ATP10D: variants seen among roughly 807,000 people sequenced by gnomAD.
ATP10D encodes ATPase phospholipid transporting 10D (putative).
ATP10D carries 89 observed loss-of-function variants against 144.8 expected under a neutral mutation model. The ratio of observed to expected loss-of-function variants is 0.61; its 90% CI spans 0.52 to 0.73. The LOEUF (loss-of-function observed/expected upper bound fraction) is 0.73, where lower values mean the gene tolerates loss of function less well. Ranked by LOEUF, ATP10D falls within the 30% of genes least tolerant of loss-of-function variation. ATP10D has a pLI of 0.00. For missense variants in ATP10D, 1,603 were observed against 1,714.8 expected (o/e 0.93, Z 1.15); for synonymous variants, 571 against 615.1 (o/e 0.93, Z 1.06).
chr4:47,554,470 A>G (rs1194775239), intron 10 of ATP10D, among the ~76,000 whole-genome samples: 1 of 151,946 alleles, frequency 6.6e-6, no homozygotes, highest in South Asian at 2.1e-4. Context: ...TGAAAACTAA[A>G]CTCCTGTTTA....
rs1298792497 is a variant in ATP10D at position 47,557,684 on chromosome 4, G to A, written c.1845G>A (p.Gly615=). 6.2e-7 allele frequency: 1 copy of A among 1,609,816 alleles called. No homozygotes were observed. The highest frequency in any genetic ancestry group is 1.3e-5 in the African/African-American group (1 of 74,818). The change falls in exon 12 of 23, where the codon GGG becomes GGA. Residue 615 remains glycine, a synonymous_variant. Coordinates refer to ENST00000273859, the MANE Select transcript of ATP10D (RefSeq NM_020453.4). ...PRQKIRHPSL[G]GLPIKSLEEI... ...CATAGATCAGACACCCTTCACTGGG[G>A]GGGTTGCCCATTAAGTCTTTGGAAG...
At chr4:47,513,031 A>G (rs940918774) in intron 2 of ATP10D, among the ~76,000 whole-genome samples, 4 of 152,116 alleles carry the variant, frequency 2.6e-5, no homozygotes, top group Admixed American at 2.0e-4. Context: ...TTTTCTCTTT[A>G]CCAGAAAAGA....
intron 14 of ATP10D, 77 bp from the exon 15 acceptor site, chr4:47,563,504 G>T (rs1719430857): frequency 1.5e-6 from 2 of 1,315,072 alleles, no homozygotes; most frequent in African/African-American, 1.5e-5. Context: ...TAACAGATAT[G>T]ATTCAACTGT....
chr4:47,536,612 T>A (rs1243272088), intron 8 of ATP10D, 48 bp downstream of exon 8: 1 of 1,605,372 alleles, frequency 6.2e-7, no homozygotes, highest in Non-Finnish European at 8.5e-7. Context: ...CTTTGCTGCT[T>A]ATCCAGCTAT....
intron 2 of ATP10D, among the ~76,000 whole-genome samples, chr4:47,514,822 T>C (rs1214810912): frequency 6.6e-6 from 1 of 152,206 alleles, no homozygotes; most frequent in Admixed American, 6.5e-5. Context: ...TTAATTTTTA[T>C]ACCACATGAA....
chr4:47,572,769 A>C (rs1720028095), intron 17 of ATP10D, 103 bp from the exon 18 acceptor site: 1 of 1,440,950 alleles, frequency 6.9e-7, no homozygotes, highest in East Asian at 2.3e-5. Context: ...TGCGGTCAGA[A>C]GAAGGTAGAA....
In ATP10D at chr4:47,525,698, G is replaced by A. The variant is rs568318248; in HGVS notation, c.776+56G>A. 1.5e-5 allele frequency: 21 copies of A among 1,386,386 alleles called. No individual in the cohort carries two copies. In the East Asian group the frequency reaches 2.1e-4, roughly 14 times the overall value. 85.9% of individuals were successfully genotyped at this position (1,386,386 alleles called of 1,614,324 possible). On this transcript the variant is annotated intron_variant, in intron 5 of 22. Coordinates refer to ENST00000273859, the MANE Select transcript of ATP10D (RefSeq NM_020453.4). ...GTAAGTGGAATTGTGTGTTGCAATC[G>A]TACTTAATTTGATAAAGTGTTTCTG...
chr4:47,497,831 C>G (rs564494666), intron 1 of ATP10D, among the ~76,000 whole-genome samples: 2 of 152,292 alleles, frequency 1.3e-5, no homozygotes, highest in African/African-American at 4.8e-5. Context: ...TTCCAAACCT[C>G]TGTTTTCTTC....
At chr4:47,529,041 T>G (rs1432823923) in intron 5 of ATP10D, among the ~76,000 whole-genome samples, 1 of 152,152 alleles carries the variant, frequency 6.6e-6, no homozygotes, top group Non-Finnish European at 1.5e-5. Flanking sequence ...TGGATATTGG[T>G]TCTTTGTTAG....
intron 13 of ATP10D, among the ~76,000 whole-genome samples, 178 bp from the exon 14 acceptor site, chr4:47,560,769 CCA>C (rs529420548): frequency 4.9e-4 from 71 of 146,088 alleles, no homozygotes; most frequent in Non-Finnish European, 1.7e-4. Context: ...ACTAGTCTGA[CCA>C]CAGAGTTTGG....
In ATP10D at chr4:47,592,314, A is replaced by G. The variant is rs1473065028; in HGVS notation, c.*933A>G. ...CACTTGAAGGTTCATAGTTTTTACA[A>G]TACCCTGAGACTTTTCAGGTGTTGG... is the stretch of plus-strand genomic sequence containing the variant. On this transcript the variant is annotated 3_prime_UTR_variant, in exon 23 of 23. Coordinates refer to ENST00000273859, the MANE Select transcript of ATP10D (RefSeq NM_020453.4). 3 of 152,572 alleles carry G rather than the reference A, an allele frequency of 2.0e-5. No homozygotes were observed. The highest frequency in any genetic ancestry group is 7.2e-5 in the African/African-American group (3 of 41,440). 9.5% of individuals were successfully genotyped at this position (152,572 alleles called of 1,614,324 possible). A position where few individuals can be genotyped will look rare whatever the true frequency, so the allele number is the denominator to read the frequency against.
In ATP10D at chr4:47,582,172, A is replaced by G. The variant is rs957613988; in HGVS notation, c.3753+108A>G. On this transcript the variant is annotated intron_variant, in intron 21 of 22. Transcript: ENST00000273859. Reference sequence around the variant, plus strand: ...TAAGTGGTAATGAGAAGAGTAATGAATCTATGGGAGAAGGGTGATCACAGC... The same window carrying G: ...TAAGTGGTAATGAGAAGAGTAATGAGTCTATGGGAGAAGGGTGATCACAGC... 5 of 890,216 alleles carry G rather than the reference A, an allele frequency of 5.6e-6. No individual in the cohort carries two copies. In the African/African-American group the frequency reaches 6.6e-5, roughly 12 times the overall value. The allele number at this position is 890,216 out of a possible 1,614,324, so 55.1% of individuals were successfully genotyped here.
At chr4:47,529,095 G>C (rs929316725) in intron 5 of ATP10D, among the ~76,000 whole-genome samples, 1 of 152,054 alleles carries the variant, frequency 6.6e-6, no homozygotes, top group African/African-American at 2.4e-5. Context: ...TACATTGTCT[G>C]TTTACTCTCT....
At chr4:47,534,538 C>T (rs1013142531) in intron 5 of ATP10D, among the ~76,000 whole-genome samples, 1 of 152,098 alleles carries the variant, frequency 6.6e-6, no homozygotes, top group African/African-American at 2.4e-5. Flanking sequence ...ATGAGGCCCA[C>T]GATGTCTCCT....
At chr4:47,573,345 G>T (rs1720063467) in intron 18 of ATP10D, among the ~76,000 whole-genome samples, 1 of 152,176 alleles carries the variant, frequency 6.6e-6, no homozygotes, top group African/African-American at 2.4e-5. Context: ...GAAAGAAAAG[G>T]TTTGCATCCG....
chr4:47,530,446 T>TTTTGTTTG (rs143705446), intron 5 of ATP10D, among the ~76,000 whole-genome samples: 2 of 151,312 alleles, frequency 1.3e-5, no homozygotes, highest in Admixed American at 6.6e-5. Flanking sequence ...TTGTTGTTCT[T>TTTTGTTTG]TTTGTTTGTT....
At chr4:47,546,579 G>A in intron 9 of ATP10D, 45 bp from the exon 10 acceptor site, 7 of 1,533,554 alleles carry the variant, frequency 4.6e-6, no homozygotes, top group Admixed American at 1.7e-5. Flanking sequence ...CAACTTACAA[G>A]TGGCTCTTCT....
At chr4:47,525,678 T>A (rs752611114) in intron 5 of ATP10D, 36 bp downstream of exon 5, 3 of 1,476,352 alleles carry the variant, frequency 2.0e-6, no homozygotes, top group Non-Finnish European at 2.8e-6. Context: ...TGGGTGTAAG[T>A]GGAATTGTGT....
At position 47,536,818 on chromosome 4, in the gene ATP10D, G is replaced by A. The variant is rs1717879729; in HGVS notation, c.1276G>A (p.Ala426Thr). The change falls in exon 9 of 23, where the codon GCC becomes ACC. Residue 426 changes from alanine to threonine, a missense_variant. By Grantham distance (58) the Ala-to-Thr change is moderately conservative. Transcript: ENST00000273859. ...TGTTCAGTGCCGAGCCCTGAACATCGCCGAGGATCTGGGACAGATTCAGTA... is the reference window on the plus strand; with the variant it reads ...TGTTCAGTGCCGAGCCCTGAACATCACCGAGGATCTGGGACAGATTCAGTA... ...SIVQCRALNI[A>T]EDLGQIQYLF... The A allele has an allele frequency of 6.2e-6, 10 of 1,612,964 alleles. No homozygotes were observed. Among genetic ancestry groups the A allele is most frequent in the Middle Eastern group, 3.3e-4 (2 of 6,082 alleles).
Sources: allele counts gnomAD v4.1 joint callset (sites outside exome capture counted in the v4.1 genomes callset), GRCh38; gene constraint gnomAD v4.1.1; transcripts MANE v1.5; gene names NCBI Gene and HGNC (gene_info 2026-07-23, HGNC 2026-07-21).